Variants in CD74 observed in about 807,000 individuals in gnomAD.
CD74 encodes CD74 molecule, also known as HLA class II histocompatibility antigen gamma chain.
In CD74, 20 loss-of-function variants were observed where a neutral mutation model predicts 37.1. The observed-to-expected ratio is 0.54, with a 90% CI of 0.38 to 0.78. The LOEUF (loss-of-function observed/expected upper bound fraction) is 0.78. Ranked by LOEUF, CD74 falls within the 30% of genes least tolerant of loss-of-function variation. The pLI is 0.00. For missense variants in CD74, 338 were observed against 389.5 expected (o/e 0.87, Z 1.11); for synonymous variants, 150 against 152.0 (o/e 0.99, Z 0.10).
chr5:150,404,940 T>G, intron 5 of CD74, 145 bp downstream of exon 5: 1 of 871,580 alleles, frequency 1.1e-6, no homozygotes, highest in Non-Finnish European at 1.8e-6. Flanking sequence ...CCACATACTC[T>G]GCAGCATCCA....
At chr5:150,410,733 C>A (rs1770295775) in intron 1 of CD74, among the ~76,000 whole-genome samples, 1 of 150,506 alleles carries the variant, frequency 6.6e-6, no homozygotes, top group African/African-American at 2.4e-5. Flanking sequence ...TAGCAGGAAT[C>A]GTGACACAGA....
chr5:150,404,968 T>C lies in CD74; in HGVS notation c.537+117A>G, dbSNP rs1769868727. ...AGCATCCAGGTTTTGGAAGTGCTGG[T>C]AAACCCCTTCAGCTTCCTGAGAATG... On this transcript the variant is annotated intron_variant, in intron 5 of 8. Coordinates refer to ENST00000009530, the MANE Select transcript of CD74 (RefSeq NM_001025159.3). 3 of 1,051,828 alleles carry C rather than the reference T, an allele frequency of 2.9e-6. No individual in the cohort carries two copies. The South Asian group carries it at 4.0e-5, about 14-fold the overall frequency. The allele number at this position is 1,051,828 out of a possible 1,614,324, so 65.2% of individuals were successfully genotyped here.
chr5:150,402,352 T>G lies in CD74; in HGVS notation c.881-102A>C. 1.0e-6 allele frequency: 1 copy of G among 952,800 alleles called. No homozygotes were observed. Among genetic ancestry groups the G allele is most frequent in the South Asian group, 1.4e-5 (1 of 70,050 alleles). 59.0% of individuals were successfully genotyped at this position (952,800 alleles called of 1,614,324 possible). A position where few individuals can be genotyped will look rare whatever the true frequency, so the allele number is the denominator to read the frequency against. On this transcript the variant is annotated intron_variant, in intron 8 of 8. Coordinates refer to ENST00000009530, the MANE Select transcript of CD74 (RefSeq NM_001025159.3). This position sits in a 1 kb window ranked among gnomAD's most constrained non-coding sequence, Gnocchi z 4.2. ...CAGAGCAGTTAAGGACTGTCCACCC[T>G]CCCCTGCCCCCTGCTCAGGTCCAAT...
rs1203033565 is a variant in CD74 at position 150,410,076 on chromosome 5, C to CG, written c.125+2548dup. ...CAAAAACCCGACGGTGGGCGGGGGG[C>CG]GGGGGGGAAGTGGGGAGACCAGACA... On this transcript the variant is annotated intron_variant, in intron 1 of 8. Coordinates refer to ENST00000009530, the MANE Select transcript of CD74 (RefSeq NM_001025159.3). Among the ~76,000 whole-genome samples, 11 of 54,288 alleles carry CG rather than the reference C, an allele frequency of 2.0e-4. No individual in the cohort carries two copies. The South Asian group carries it at 2.5e-3, about 12-fold the overall frequency. 35.6% of individuals were successfully genotyped at this position (54,288 alleles called of 152,430 possible).
rs1190904439 is a variant in CD74, at chr5:150,407,817, G to A, written c.126-493C>T. On this transcript the variant is annotated intron_variant, in intron 1 of 8. Transcript: ENST00000009530. This position sits in a 1 kb window ranked among gnomAD's most constrained non-coding sequence, Gnocchi z 4.4. Reference sequence around the variant, plus strand: ...CGCCCAGGCTGGAGTGCAGTGGCGCGATCTCGGCTCACTGCAACCTCCACC... The same window carrying A: ...CGCCCAGGCTGGAGTGCAGTGGCGCAATCTCGGCTCACTGCAACCTCCACC... 6.6e-5 allele frequency among the ~76,000 whole-genome samples: 10 copies of A among 152,196 alleles called. No homozygotes were observed. Among genetic ancestry groups the A allele is most frequent in the South Asian group, 2.1e-4 (1 of 4,826 alleles).
At chr5:150,404,968 TA>T in intron 5 of CD74, 116 bp downstream of exon 5, 1 of 1,051,828 alleles carries the variant, frequency 9.5e-7, no homozygotes, top group Non-Finnish European at 1.4e-6. Context: ...GAAGTGCTGG[TA>T]AACCCCTTCA....
chr5:150,406,947 C>A lies in CD74; in HGVS notation c.312G>T (p.Val104=). The A allele has an allele frequency of 6.4e-7, 1 of 1,563,458 alleles. No homozygotes were observed. The change falls in exon 3 of 9, where the codon GTG becomes GTT. Residue 104 remains valine, a synonymous_variant. Transcript: ENST00000009530. ...GCGGGGTGGCCATGCGCATCTTGCT[C>A]ACAGGCTTGGGAGCTGTGGGGACAG... ...RMKLPKPPKP[V]SKMRMATPLL...
In CD74 at chr5:150,403,121, C is replaced by T. The variant is rs1462665407; in HGVS notation, c.817G>A (p.Glu273Lys). The change falls in exon 7 of 9, where the codon GAG becomes AAG. Residue 273 changes from glutamate to lysine, a missense_variant and splice_region_variant. By Grantham distance (56) the Glu-to-Lys change is moderately conservative. Coordinates refer to ENST00000009530, the MANE Select transcript of CD74 (RefSeq NM_001025159.3). This position sits in a 1 kb window ranked among gnomAD's most constrained non-coding sequence, Gnocchi z 4.5. Reference protein sequence around the residue: ...TRSRGHHNCSESLELEDPSSG... With the variant: ...TRSRGHHNCSKSLELEDPSSG... ...ACACTGGCACAGTGCCACTGCTTAC[C>T]ACTGCAGTTATGGTGCCCGCGGCTT... is the stretch of plus-strand genomic sequence containing the variant. 2.5e-6 allele frequency: 4 copies of T among 1,612,416 alleles called. No homozygotes were observed. The highest frequency in any genetic ancestry group is 3.4e-6 in the Non-Finnish European group (4 of 1,179,004).
chr5:150,406,808 C>G, intron 3 of CD74, 73 bp downstream of exon 3: 1 of 1,057,150 alleles, frequency 9.5e-7, no homozygotes, highest in South Asian at 1.8e-5. Context: ...TCTTCCCTGC[C>G]CCTCCCCTTG....
chr5:150,412,191 C>T (rs1770380911), intron 1 of CD74, among the ~76,000 whole-genome samples: 1 of 152,248 alleles, frequency 6.6e-6, no homozygotes, highest in African/African-American at 2.4e-5. Context: ...TCTCGAACTC[C>T]TGGCCTCAGC....
intron 6 of CD74, among the ~76,000 whole-genome samples, chr5:150,404,316 G>A (rs74555574): frequency 0.057 from 8,701 of 152,254 alleles, 330 homozygotes; most frequent in East Asian, 0.11. Context: ...ACTGGATTGC[G>A]GGCAGCACTG....
At chr5:150,405,477 C>A (rs1769903506) in intron 4 of CD74, 1 of 1,156,868 alleles carries the variant, frequency 8.6e-7, no homozygotes, top group African/African-American at 1.6e-5. Flanking sequence ...CAGGTCTTAC[C>A]TGCTCCAGCA....
At chr5:150,412,455 C>T (rs1418851572) in intron 1 of CD74, among the ~76,000 whole-genome samples, 170 bp downstream of exon 1, 3 of 152,196 alleles carry the variant, frequency 2.0e-5, no homozygotes, top group East Asian at 1.9e-4. Context: ...GAGAGGGAGC[C>T]GGAGCCCAGA....
rs1463206803 is a variant in CD74 at position 150,409,065 on chromosome 5, A to G, written c.126-1741T>C. ...CGAAACCCCGTCTCTACAAAAAAATACAAAAAACTTAGCCAGGCATGGTGG... is the reference window on the plus strand; with the variant it reads ...CGAAACCCCGTCTCTACAAAAAAATGCAAAAAACTTAGCCAGGCATGGTGG... On this transcript the variant is annotated intron_variant, in intron 1 of 8. Transcript: ENST00000009530. Among the ~76,000 whole-genome samples, 2 of 151,870 alleles carry G rather than the reference A, an allele frequency of 1.3e-5. 1 individual carries two copies. Among genetic ancestry groups the G allele is most frequent in the Non-Finnish European group, 2.9e-5 (2 of 67,982 alleles).
rs1770035123 is a variant in CD74 at position 150,407,344 on chromosome 5, TA to T, written c.126-21del. ...CACTTGCTGTGGGAGGTGGGGAGGA[TA>T]GGTCAGAGGAGGATCCACAGTGGTG... On this transcript the variant is annotated intron_variant, in intron 1 of 8. Transcript: ENST00000009530. The surrounding 1 kb of genome is among the most constrained non-coding windows in gnomAD (Gnocchi z 4.4). 3.1e-6 allele frequency: 5 copies of T among 1,593,406 alleles called. No individual in the cohort carries two copies. Among genetic ancestry groups the T allele is most frequent in the Admixed American group, 1.8e-5 (1 of 56,458 alleles).
chr5:150,407,153 C>A lies in CD74; in HGVS notation c.297G>T (p.Lys99Asn). 1 of 1,613,282 alleles carries A rather than the reference C, an allele frequency of 6.2e-7. No individual in the cohort carries two copies. Among genetic ancestry groups the A allele is most frequent in the Non-Finnish European group, 8.5e-7 (1 of 1,179,616 alleles). ...QLENLRMKLP[K>N]PPKPVSKMRM... ...ATCAGGATGTAGGGGTGCACGCACG[C>A]TTGGGAAGCTTCATGCGCAGGTTCT... Residue 99 changes from lysine to asparagine, a missense_variant and splice_region_variant, in exon 2 of 9, where the codon AAG becomes AAT. Transcript: ENST00000009530. This position sits in a 1 kb window ranked among gnomAD's most constrained non-coding sequence, Gnocchi z 4.4.
At position 150,402,210 on chromosome 5, in the gene CD74, G is replaced by C. The variant is rs1581247224; in HGVS notation, c.*30C>G. On this transcript the variant is annotated 3_prime_UTR_variant, in exon 9 of 9. Transcript: ENST00000009530. The surrounding 1 kb of genome is among the most constrained non-coding windows in gnomAD (Gnocchi z 4.2). ...AGAAAGCTGTAGCTGTGTGGGGCTGGCAGGATGTTGAAGACCGCCTCTGCT... is the reference window on the plus strand; with the variant it reads ...AGAAAGCTGTAGCTGTGTGGGGCTGCCAGGATGTTGAAGACCGCCTCTGCT... 2 of 1,597,634 alleles carry C rather than the reference G, an allele frequency of 1.3e-6. No individual in the cohort carries two copies. The highest frequency in any genetic ancestry group is 1.7e-6 in the Non-Finnish European group (2 of 1,172,152).
At chr5:150,411,015 G>A (rs1770312699) in intron 1 of CD74, among the ~76,000 whole-genome samples, 1 of 152,220 alleles carries the variant, frequency 6.6e-6, no homozygotes, top group Non-Finnish European at 1.5e-5. Context: ...TTTGATGTCA[G>A]ACTAGTCCTG....
Position 150,402,955 on chromosome 5 carries a change from C to T in CD74, c.817+166G>A, listed in dbSNP as rs1769726227. On this transcript the variant is annotated intron_variant, in intron 7 of 8. Coordinates refer to ENST00000009530, the MANE Select transcript of CD74 (RefSeq NM_001025159.3). This position sits in a 1 kb window ranked among gnomAD's most constrained non-coding sequence, Gnocchi z 4.2. ...GATGATAAATGGACAAATAGGAATG[C>T]ACAGGTGGGTGGATGGATAAAGGGC... Among the ~76,000 whole-genome samples the T allele has an allele frequency of 6.6e-6, 1 of 152,168 alleles. No individual in the cohort carries two copies. The highest frequency in any genetic ancestry group is 2.1e-4 in the South Asian group (1 of 4,820).
Sources: gnomAD v4.1 joint callset for allele counts (sites outside exome capture counted in the v4.1 genomes callset) on GRCh38, gnomAD v4.1.1 for gene constraint, Gnocchi (gnomAD v3.1) non-coding constraint, MANE v1.5 for transcripts, NCBI Gene and HGNC (gene_info 2026-07-23, HGNC 2026-07-21) for gene names.